The following CCDC7 variants were observed in gnomAD, a reference collection of about 807,000 sequenced individuals.
The protein encoded by CCDC7 is coiled-coil domain-containing protein 7.
Under a neutral mutation model 196.9 loss-of-function variants are expected in CCDC7, and 183 were observed. The observed-to-expected ratio is 0.93, with a 90% CI of 0.82 to 1.05. The LOEUF (loss-of-function observed/expected upper bound fraction) is 1.05, where lower values mean the gene tolerates loss of function less well. Among genes scored for constraint, CCDC7 ranks in the 50% least tolerant of loss-of-function variants. The pLI, the probability that CCDC7 is intolerant of heterozygous loss-of-function variation, is 0.00. For synonymous variants in CCDC7, 525 were observed against 484.6 expected (o/e 1.08, Z -1.10); for missense variants, 1,540 against 1,482.2 (o/e 1.04, Z -0.64).
At chr10:32,486,437 T>A (rs1286168314) in intron 8 of CCDC7, among the ~76,000 whole-genome samples, 1 of 151,610 alleles carries the variant, frequency 6.6e-6, no homozygotes, top group Admixed American at 6.6e-5. Context: ...CTGATGGGTC[T>A]TGAGTCTTTA....
intron 20 of CCDC7, among the ~76,000 whole-genome samples, chr10:32,647,838 C>T (rs1221230115): frequency 2.6e-5 from 4 of 152,212 alleles, no homozygotes. Flanking sequence ...TTAATTAAAT[C>T]CTACTTGTCT....
intron 5 of CCDC7, among the ~76,000 whole-genome samples, chr10:32,466,780 T>C (rs1392442378): frequency 1.4e-5 from 2 of 140,090 alleles, no homozygotes; most frequent in Non-Finnish European, 3.3e-5. Context: ...TTCCCTTGGG[T>C]ATATACCCAG....
At chr10:32,865,979 AAC>A (rs1300161278) in intron 41 of CCDC7, among the ~76,000 whole-genome samples, 1 of 151,834 alleles carries the variant, frequency 6.6e-6, no homozygotes, top group African/African-American at 2.4e-5. Flanking sequence ...GGTTTATACA[AAC>A]ACACACATCC....
intron 20 of CCDC7, among the ~76,000 whole-genome samples, chr10:32,662,960 T>C (rs528458240): frequency 1.3e-5 from 2 of 152,268 alleles, no homozygotes; most frequent in Admixed American, 6.5e-5. Flanking sequence ...AAAAGGTTTT[T>C]CAGTGGCAGG....
At chr10:32,615,455 G>A (rs971131436) in intron 18 of CCDC7, among the ~76,000 whole-genome samples, 1 of 151,994 alleles carries the variant, frequency 6.6e-6, no homozygotes, top group Non-Finnish European at 1.5e-5. Flanking sequence ...TTCATAGTTT[G>A]TTGGCTGCTT....
At chr10:32,647,437 G>C (rs150289205) in intron 20 of CCDC7, among the ~76,000 whole-genome samples, 4 of 16,736 alleles carry the variant, frequency 2.4e-4, no homozygotes, top group Non-Finnish European at 4.8e-4. Flanking sequence ...TGAGCCCTGG[G>C]GGGTAGAGGT....
intron 16 of CCDC7, 31 bp downstream of exon 17, chr10:32,571,924 A>G (rs768101477): frequency 6.4e-7 from 1 of 1,562,480 alleles, no homozygotes; most frequent in Middle Eastern, 1.7e-4. Flanking sequence ...TTGTTCCCTC[A>G]TTTTCTAATC....
At chr10:32,679,273 A>G (rs959159750) in intron 21 of CCDC7, among the ~76,000 whole-genome samples, 3 of 152,148 alleles carry the variant, frequency 2.0e-5, no homozygotes, top group Non-Finnish European at 4.4e-5. Context: ...GACAGGTTCA[A>G]AAGCCCAATA....
chr10:32,533,279 A>ACACACACACACACACACACACAC (rs1589608702), intron 11 of CCDC7, among the ~76,000 whole-genome samples: 1 of 150,726 alleles, frequency 6.6e-6, no homozygotes, highest in African/African-American at 2.4e-5. Flanking sequence ...ACACACACAC[A>ACACACACACACACACACACACAC]ATTCTACACT....
intron 28 of CCDC7, among the ~76,000 whole-genome samples, chr10:32,761,409 A>G (rs2077450088): frequency 6.6e-6 from 1 of 152,000 alleles, no homozygotes; most frequent in South Asian, 2.1e-4. Flanking sequence ...TCAAATACTT[A>G]AAAATAGCAG....
In CCDC7 at chr10:32,870,351, T is replaced by C. The variant is rs1213364570; in HGVS notation, c.4112-5996T>C. On this transcript the variant is annotated intron_variant, in intron 41 of 41. Coordinates refer to ENST00000639629, the Ensembl canonical transcript of CCDC7. ...TTGGATTCCTAGGTATTTTATTCTC[T>C]TTGAAGCAATTGTGAATGGGAGTTC... is the stretch of plus-strand genomic sequence containing the variant. Among the ~76,000 whole-genome samples the C allele has an allele frequency of 3.9e-5, 6 of 152,300 alleles. No individual in the cohort carries two copies. In the South Asian group the frequency reaches 1.2e-3, roughly 32 times the overall value.
intron 28 of CCDC7, among the ~76,000 whole-genome samples, chr10:32,767,539 C>A (rs2078509044): frequency 6.6e-6 from 1 of 151,948 alleles, no homozygotes; most frequent in Admixed American, 6.6e-5. Flanking sequence ...AAAGAATGCT[C>A]CAGGAGTCAT....
rs150577009 is a variant in CCDC7 at position 32,771,727 on chromosome 10, G to A, written c.2906-7250G>A. Among the ~76,000 whole-genome samples, 909 of 152,308 alleles carry A rather than the reference G, an allele frequency of 6.0e-3. 9 individuals are homozygous for A. Among genetic ancestry groups the A allele is most frequent in the African/African-American group, 0.021 (866 of 41,556 alleles). On this transcript the variant is annotated intron_variant, in intron 28 of 41. Transcript: ENST00000639629. ...CTGTGAAAGTACTTGGTTATTGATAGCCTCAGTGTGTTGGCTTTTTTGAAC... is the reference window on the plus strand; with the variant it reads ...CTGTGAAAGTACTTGGTTATTGATAACCTCAGTGTGTTGGCTTTTTTGAAC...
At chr10:32,821,370 T>G (rs1258432787) in intron 31 of CCDC7, among the ~76,000 whole-genome samples, 2 of 152,154 alleles carry the variant, frequency 1.3e-5, no homozygotes, top group Non-Finnish European at 2.9e-5. Flanking sequence ...GGTGGGACTG[T>G]AAACTAGTTC....
intron 5 of CCDC7, among the ~76,000 whole-genome samples, chr10:32,467,798 C>T (rs763056120): frequency 2.0e-5 from 3 of 152,200 alleles, no homozygotes; most frequent in Non-Finnish European, 2.9e-5. Flanking sequence ...AAATCTTCGG[C>T]ACTTGGTTAA....
At position 32,729,014 on chromosome 10, in the gene CCDC7, TC is replaced by T. The variant is rs757411292; in HGVS notation, c.2779+18del. On this transcript the variant is annotated intron_variant, in intron 27 of 41. Coordinates refer to ENST00000639629, the Ensembl canonical transcript of CCDC7. ...GACACAAGAGTGAGTATAATAATTA[TC>T]GATAACTTTAAATTATTTTATGTTG... 6.5e-5 allele frequency: 96 copies of T among 1,471,816 alleles called. No individual in the cohort carries two copies. Among genetic ancestry groups the T allele is most frequent in the Non-Finnish European group, 9.1e-5 (96 of 1,059,214 alleles). The allele number at this position is 1,471,816 out of a possible 1,614,324, so 91.2% of individuals were successfully genotyped here. A position where few individuals can be genotyped will look rare whatever the true frequency, so the allele number is the denominator to read the frequency against.
At chr10:32,603,898 C>T (rs2061324870) in intron 18 of CCDC7, among the ~76,000 whole-genome samples, 1 of 152,016 alleles carries the variant, frequency 6.6e-6, no homozygotes, top group South Asian at 2.1e-4. Flanking sequence ...TCTCATTCAA[C>T]AAGCTGCCTT....
intron 13 of CCDC7, among the ~76,000 whole-genome samples, chr10:32,565,350 G>T (rs1045575563): frequency 6.6e-6 from 1 of 152,130 alleles, no homozygotes; most frequent in African/African-American, 2.4e-5. Flanking sequence ...TAATTTCCCC[G>T]ATTCATGCTC....
chr10:32,508,551 TA>T (rs1173423572), intron 9 of CCDC7, among the ~76,000 whole-genome samples: 1 of 152,148 alleles, frequency 6.6e-6, no homozygotes, highest in African/African-American at 2.4e-5. Flanking sequence ...CTAAAATTCA[TA>T]TGCAATTTCA....
Sources: gnomAD v4.1 joint callset for allele counts (sites outside exome capture counted in the v4.1 genomes callset) on GRCh38, gnomAD v4.1.1 for gene constraint, MANE v1.5 for transcripts, NCBI Gene and HGNC (gene_info 2026-07-23, HGNC 2026-07-21) for gene names.